The following FGF12 variants were observed in gnomAD, a reference collection of about 807,000 sequenced individuals.
The protein encoded by FGF12 is fibroblast growth factor 12B.
In FGF12, 14 loss-of-function variants were observed where a neutral mutation model predicts 23.6. The observed-to-expected ratio is 0.59, with a 90% CI of 0.39 to 0.93. The LOEUF (loss-of-function observed/expected upper bound fraction) is 0.93. Among genes scored for constraint, FGF12 ranks in the 40% least tolerant of loss-of-function variants. The pLI is 0.00. For synonymous variants in FGF12, 62 were observed against 77.3 expected (o/e 0.80, Z 1.04); for missense variants, 175 against 217.8 (o/e 0.80, Z 1.24).
chr3:192,613,268 C>A (rs1246392742), intron 2 of FGF12, among the ~76,000 whole-genome samples: 1 of 151,726 alleles, frequency 6.6e-6, no homozygotes, highest in Non-Finnish European at 1.5e-5. Flanking sequence ...TTATTGATTG[C>A]CTCCAAACCC....
At chr3:192,583,259 G>C (rs183061243) in intron 2 of FGF12, among the ~76,000 whole-genome samples, 1 of 152,212 alleles carries the variant, frequency 6.6e-6, no homozygotes, top group East Asian at 1.9e-4. Context: ...ATGGGGCCTA[G>C]TGTAGGGTGG....
chr3:192,707,191 CCACCCTTTGAACTGATG>C (rs1385944149), intron 2 of FGF12, among the ~76,000 whole-genome samples: 1 of 152,120 alleles, frequency 6.6e-6, no homozygotes, highest in African/African-American at 2.4e-5. Flanking sequence ...TCCAGAAATG[CCACCCTTTGAACTGATG>C]CAGAAGTCTC....
rs57772127 is a variant in FGF12 at position 192,479,262 on chromosome 3, A to G, written c.14-118724T>C. Among the ~76,000 whole-genome samples, 832 of 152,288 alleles carry G rather than the reference A, an allele frequency of 5.5e-3. 9 individuals carry two copies. The highest frequency in any genetic ancestry group is 0.019 in the African/African-American group (793 of 41,552). On this transcript the variant is annotated intron_variant, in intron 2 of 5. Coordinates refer to ENST00000445105, the MANE Select transcript of FGF12 (RefSeq NM_004113.6). ...CCATCTATGTTTAGAGTCTAACACCATCATCCTTTCAGAAGGCAGCAGTAG... is the reference window on the plus strand; with the variant it reads ...CCATCTATGTTTAGAGTCTAACACCGTCATCCTTTCAGAAGGCAGCAGTAG...
At chr3:192,369,754 A>G (rs1280908991) in intron 2 of FGF12, among the ~76,000 whole-genome samples, 1 of 152,238 alleles carries the variant, frequency 6.6e-6, no homozygotes, top group East Asian at 1.9e-4. Flanking sequence ...AAAGATGAGT[A>G]AGATGCAATT....
intron 3 of FGF12, among the ~76,000 whole-genome samples, chr3:192,339,918 G>A (rs557270263): frequency 2.0e-5 from 3 of 152,214 alleles, no homozygotes; most frequent in South Asian, 4.1e-4. Context: ...ACAAAAACAC[G>A]TTATTTCCAG....
chr3:192,667,131 C>T (rs1716913440), intron 2 of FGF12, among the ~76,000 whole-genome samples: 2 of 152,172 alleles, frequency 1.3e-5, no homozygotes, highest in Admixed American at 6.5e-5. Flanking sequence ...CTGCTAAGTG[C>T]TGGGATTCAG....
rs1421963125 is a variant in FGF12, at chr3:192,378,030, CTTTCTTTCTTTCTTTCTT to C, written c.14-17510_14-17493del. Reference sequence around the variant, plus strand: ...TCCCTTTCTTCTGACTCTTTCTTTTCTTTCTTTCTTTCTTTCTTTCTTTCTTTCTTTCTTTCTTTCTTT... The same window carrying C: ...TCCCTTTCTTCTGACTCTTTCTTTTCTCTTTCTTTCTTTCTTTCTTTCTTT... On this transcript the variant is annotated intron_variant, in intron 2 of 5. Transcript: ENST00000445105. Among the ~76,000 whole-genome samples, 16 of 59,546 alleles carry C rather than the reference CTTTCTTTCTTTCTTTCTT, an allele frequency of 2.7e-4. 2 individuals are homozygous for C. In the East Asian group the frequency reaches 4.9e-3, roughly 18 times the overall value. The allele number at this position is 59,546 out of a possible 152,430, so 39.1% of individuals were successfully genotyped here. A position where few individuals can be genotyped will look rare whatever the true frequency, so the allele number is the denominator to read the frequency against.
intron 3 of FGF12, among the ~76,000 whole-genome samples, chr3:192,356,539 CT>C (rs1210313799): frequency 6.6e-6 from 1 of 152,136 alleles, no homozygotes. Flanking sequence ...CAGTTTTGTG[CT>C]TTTTATCATT....
intron 4 of FGF12, among the ~76,000 whole-genome samples, chr3:192,208,387 G>A (rs890837279): frequency 6.6e-6 from 1 of 152,092 alleles, no homozygotes; most frequent in Non-Finnish European, 1.5e-5. Flanking sequence ...CAGCTGTTTA[G>A]CCACTGAATA....
chr3:192,367,819 A>G (rs1054391568), intron 2 of FGF12, among the ~76,000 whole-genome samples: 1 of 152,130 alleles, frequency 6.6e-6, no homozygotes, highest in Admixed American at 6.6e-5. Flanking sequence ...AAAGTGAGTC[A>G]TGTCCTGTCC....
At chr3:192,271,077 C>T (rs1043856766) in intron 4 of FGF12, among the ~76,000 whole-genome samples, 1 of 152,180 alleles carries the variant, frequency 6.6e-6, no homozygotes, top group African/African-American at 2.4e-5. Context: ...CCAAAGATTT[C>T]TCTCCAAGTG....
intron 4 of FGF12, among the ~76,000 whole-genome samples, chr3:192,242,624 A>C (rs941914600): frequency 6.6e-6 from 1 of 152,150 alleles, no homozygotes; most frequent in East Asian, 1.9e-4. Flanking sequence ...ATAAAGCATA[A>C]TATTATATTA....
chr3:192,593,882 C>A (rs1713729043), intron 2 of FGF12, among the ~76,000 whole-genome samples: 1 of 151,806 alleles, frequency 6.6e-6, no homozygotes, highest in Admixed American at 6.6e-5. Flanking sequence ...TTATAAAAAT[C>A]CTCAAATTGC....
intron 2 of FGF12, among the ~76,000 whole-genome samples, chr3:192,459,238 T>TG (rs1722779994): frequency 6.6e-6 from 1 of 152,228 alleles, no homozygotes. Context: ...TATCAAATAC[T>TG]GGAGTTGCTC....
intron 2 of FGF12, among the ~76,000 whole-genome samples, chr3:192,531,412 T>C (rs1159908527): frequency 3.3e-5 from 5 of 152,156 alleles, no homozygotes; most frequent in African/African-American, 1.2e-4. Context: ...TTGAGGTTTG[T>C]TGTGGCAAAA....
At chr3:192,704,540 T>C (rs1560199971) in intron 2 of FGF12, among the ~76,000 whole-genome samples, 2 of 152,202 alleles carry the variant, frequency 1.3e-5, no homozygotes, top group African/African-American at 4.8e-5. Context: ...GTTCCATTTA[T>C]AGAACACAGG....
intron 3 of FGF12, among the ~76,000 whole-genome samples, chr3:192,337,540 C>A (rs924406589): frequency 1.3e-5 from 2 of 152,124 alleles, no homozygotes; most frequent in African/African-American, 2.4e-5. Flanking sequence ...GGCAACAAGA[C>A]GTGTGACATA....
At chr3:192,146,572 A>C (rs555949376) in intron 5 of FGF12, among the ~76,000 whole-genome samples, 2 of 152,242 alleles carry the variant, frequency 1.3e-5, no homozygotes, top group East Asian at 3.9e-4. Context: ...CCTGGCCTAA[A>C]GTGTATATTT....
chr3:192,527,848 A>T (rs1211958385), intron 2 of FGF12, among the ~76,000 whole-genome samples: 1 of 152,182 alleles, frequency 6.6e-6, no homozygotes, highest in Non-Finnish European at 1.5e-5. Context: ...GGCGGCAGAC[A>T]AGAGAAGACA....
Sources: gnomAD v4.1 joint callset for allele counts (sites outside exome capture counted in the v4.1 genomes callset) on GRCh38, gnomAD v4.1.1 for gene constraint, MANE v1.5 for transcripts, NCBI Gene and HGNC (gene_info 2026-07-23, HGNC 2026-07-21) for gene names.